Variants in FILIP1 observed in about 807,000 individuals in gnomAD.
FILIP1 encodes filamin A interacting protein 1, also known as filamin-A-interacting protein 1.
Under a neutral mutation model 102.1 loss-of-function variants are expected in FILIP1, and 61 were observed. The observed-to-expected ratio is 0.60, with a 90% CI of 0.49 to 0.74. The LOEUF (loss-of-function observed/expected upper bound fraction) is 0.74. Among genes scored for constraint, FILIP1 ranks in the 30% least tolerant of loss-of-function variants. The pLI, the probability that FILIP1 is intolerant of heterozygous loss-of-function variation, is 0.00. For missense variants in FILIP1, 1,314 were observed against 1,441.2 expected (o/e 0.91, Z 1.43); for synonymous variants, 491 against 526.9 (o/e 0.93, Z 0.93).
At position 75,469,260 on chromosome 6, in the gene FILIP1, T is replaced by C. The variant is rs1779264577; in HGVS notation, c.-7+24154A>G. ...TAAAGCATACAAAAATTTTTGGTTT[T>C]GTTTAATAAATGTAGAGAGACACTG... is the stretch of plus-strand genomic sequence containing the variant. On this transcript the variant is annotated intron_variant, in intron 1 of 5. Transcript: ENST00000237172. Among the ~76,000 whole-genome samples, 2 of 152,084 alleles carry C rather than the reference T, an allele frequency of 1.3e-5. 1 individual carries two copies. The highest frequency in any genetic ancestry group is 4.1e-4 in the South Asian group (2 of 4,836).
chr6:75,366,408 T>A (rs1322445988), intron 2 of FILIP1, among the ~76,000 whole-genome samples: 3 of 152,218 alleles, frequency 2.0e-5, no homozygotes, highest in African/African-American at 7.2e-5. Flanking sequence ...TGAATTTTAA[T>A]TAAAATATAG....
chr6:75,296,045 A>T, intron 6 of FILIP1: 1 of 784,080 alleles, frequency 1.3e-6, no homozygotes. Flanking sequence ...GTTAAATAAC[A>T]AAACAAACAA....
chr6:75,398,494 C>T (rs775166826), intron 2 of FILIP1, among the ~76,000 whole-genome samples: 4 of 152,016 alleles, frequency 2.6e-5, no homozygotes, highest in East Asian at 1.9e-4. Context: ...TCACTGAGGC[C>T]GAAAGGAGGG....
At chr6:75,319,454 T>C (rs1172983421) in intron 4 of FILIP1, 1 of 611,178 alleles carries the variant, frequency 1.6e-6, no homozygotes, top group Non-Finnish European at 3.2e-6. Flanking sequence ...TCTTTCATAA[T>C]GGGCCTTGTC....
chr6:75,421,491 TTC>T (rs776730264), intron 1 of FILIP1, among the ~76,000 whole-genome samples: 8 of 152,100 alleles, frequency 5.3e-5, no homozygotes, highest in Non-Finnish European at 1.0e-4. Flanking sequence ...TACCGCAAGA[TTC>T]AACCGGATCC....
In FILIP1 at chr6:75,314,922, C is replaced by T. The variant is rs187001723; in HGVS notation, c.910G>A (p.Glu304Lys). The change falls in exon 5 of 6, where the codon GAA becomes AAA. Residue 304 changes from glutamate to lysine, a missense_variant. Coordinates refer to ENST00000237172, the MANE Select transcript of FILIP1 (RefSeq NM_015687.5). ...QKLLKLEVDF[E>K]HKASRFSQEH... Reference sequence around the variant, plus strand: ...TGAGAAAACCTCGAAGCCTTGTGTTCAAAGTCCACTTCTAACTTGAGCAAT... The same window carrying T: ...TGAGAAAACCTCGAAGCCTTGTGTTTAAAGTCCACTTCTAACTTGAGCAAT... 31 of 1,614,144 alleles carry T rather than the reference C, an allele frequency of 1.9e-5. No homozygotes were observed. In the East Asian group the frequency reaches 6.2e-4, roughly 32 times the overall value.
At chr6:75,488,122 A>G (rs1025213519) in intron 1 of FILIP1, among the ~76,000 whole-genome samples, 23 of 152,098 alleles carry the variant, frequency 1.5e-4, no homozygotes, top group Non-Finnish European at 2.6e-4. Context: ...CAAAAATGGG[A>G]AAAAAACCCA....
At chr6:75,372,728 G>GAGAA (rs71002736) in intron 2 of FILIP1, among the ~76,000 whole-genome samples, 2,125 of 61,058 alleles carry the variant, frequency 0.035, 50 homozygotes, top group East Asian at 0.062. Flanking sequence ...GAAAGAGAAA[G>GAGAA]AGAAAGAAAG....
chr6:75,464,448 T>C (rs1364293333), intron 1 of FILIP1, among the ~76,000 whole-genome samples: 4 of 152,224 alleles, frequency 2.6e-5, no homozygotes, highest in Non-Finnish European at 5.9e-5. Flanking sequence ...CATCAATGTA[T>C]GCAGGAAATA....
At position 75,315,097 on chromosome 6, in the gene FILIP1, G is replaced by A; in HGVS notation, c.735C>T (p.Ser245=). 6.2e-7 allele frequency: 1 copy of A among 1,613,462 alleles called. No individual in the cohort carries two copies. The highest frequency in any genetic ancestry group is 1.3e-5 in the African/African-American group (1 of 75,008). The change falls in exon 5 of 6, where the codon TCC becomes TCT. Residue 245 remains serine, a synonymous_variant. Coordinates refer to ENST00000237172, the MANE Select transcript of FILIP1 (RefSeq NM_015687.5). The part of the protein sequence containing the change: ...KLRDELVKLK[S]FALMLVDERQ... ...TTTCATCCACCAGCATGAGTGCAAAGGATTTGAGTTTAACAAGCTCATCTC... is the reference window on the plus strand; with the variant it reads ...TTTCATCCACCAGCATGAGTGCAAAAGATTTGAGTTTAACAAGCTCATCTC...
In FILIP1 at chr6:75,314,746, T is replaced by C. The variant is rs759714559; in HGVS notation, c.1086A>G (p.Leu362=). ...ATTCTCCTTTGGCAATTTTATCTCT[T>C]AATTCTTGAAGTTCTTCCTCTGCCT... The part of the protein sequence containing the change: ...LQKAEEELQE[L]RDKIAKGECG... The change falls in exon 5 of 6, where the codon TTA becomes TTG. Residue 362 remains leucine, a synonymous_variant. Transcript: ENST00000237172. 2.5e-6 allele frequency: 4 copies of C among 1,614,188 alleles called. No homozygotes were observed. The highest frequency in any genetic ancestry group is 1.3e-5 in the African/African-American group (1 of 75,068).
At chr6:75,444,592 C>T (rs1368965053) in intron 1 of FILIP1, among the ~76,000 whole-genome samples, 1 of 152,008 alleles carries the variant, frequency 6.6e-6, no homozygotes, top group Non-Finnish European at 1.5e-5. Context: ...GTGTCCCCTA[C>T]CATCGTAAGT....
chr6:75,347,199 C>A (rs2149594639), intron 4 of FILIP1, among the ~76,000 whole-genome samples: 1 of 152,232 alleles, frequency 6.6e-6, no homozygotes, highest in Non-Finnish European at 1.5e-5. Context: ...CAGTTCAAAC[C>A]CTGATTCTGC....
intron 1 of FILIP1, among the ~76,000 whole-genome samples, chr6:75,450,807 T>C (rs1174468147): frequency 1.3e-5 from 2 of 151,604 alleles, no homozygotes; most frequent in Non-Finnish European, 2.9e-5. Context: ...AATACAAAAT[T>C]AGCCGGGCAT....
chr6:75,423,157 G>A (rs1055134571), intron 1 of FILIP1, among the ~76,000 whole-genome samples: 6 of 152,120 alleles, frequency 3.9e-5, no homozygotes, highest in African/African-American at 1.4e-4. Context: ...TACACTAGAA[G>A]TTGCTGAAGA....
chr6:75,302,728 C>A (rs916905959), intron 6 of FILIP1, among the ~76,000 whole-genome samples: 25 of 152,006 alleles, frequency 1.6e-4, no homozygotes, highest in Non-Finnish European at 3.1e-4. Context: ...AGAGCCCAGT[C>A]ACAGAGTGCC....
intron 4 of FILIP1, among the ~76,000 whole-genome samples, chr6:75,337,033 C>T (rs571647178): frequency 3.9e-5 from 6 of 152,272 alleles, no homozygotes; most frequent in Admixed American, 3.3e-4. Flanking sequence ...ACTCATTCAA[C>T]AAATACTTAA....
intron 2 of FILIP1, among the ~76,000 whole-genome samples, chr6:75,363,569 C>G (rs1775236577): frequency 6.6e-6 from 1 of 152,080 alleles, no homozygotes; most frequent in Admixed American, 6.6e-5. Context: ...CTTGGTAGGT[C>G]AGAGTTTTGT....
At chr6:75,455,887 T>G (rs1339516117) in intron 1 of FILIP1, among the ~76,000 whole-genome samples, 1 of 152,202 alleles carries the variant, frequency 6.6e-6, no homozygotes, top group East Asian at 1.9e-4. Context: ...CTTAAAGTAC[T>G]TCACAATCCC....
Sources: allele counts gnomAD v4.1 joint callset (sites outside exome capture counted in the v4.1 genomes callset), GRCh38; gene constraint gnomAD v4.1.1; transcripts MANE v1.5; gene names NCBI Gene and HGNC (gene_info 2026-07-23, HGNC 2026-07-21).